Variants in RANBP17 observed in about 807,000 individuals in gnomAD.
RANBP17 encodes the protein ran-binding protein 17.
A neutral mutation model predicts 141.2 loss-of-function variants in RANBP17; 158 were observed. The ratio of observed to expected loss-of-function variants is 1.12; its 90% confidence interval spans 0.98 to 1.28. The LOEUF (loss-of-function observed/expected upper bound fraction) is 1.28. Among genes scored for constraint, RANBP17 ranks in the 50% most tolerant of loss-of-function variants. The pLI is 0.00. For synonymous variants in RANBP17, 430 were observed against 450.0 expected, an observed-to-expected ratio of 0.96 and a Z score of 0.56; for missense variants, 1,438 against 1,290.7, an observed-to-expected ratio of 1.11 and a Z score of -1.75.
chr5:171,230,527 G>A (rs950187285), intron 22 of RANBP17, among the ~76,000 whole-genome samples: 8 of 152,130 alleles, frequency 5.3e-5, no homozygotes, highest in South Asian at 2.1e-4. Context: ...TTGGAAGGCC[G>A]AGGCGTGTGG....
intron 12 of RANBP17, among the ~76,000 whole-genome samples, chr5:170,942,781 A>C (rs1774432063): frequency 1.3e-5 from 2 of 152,198 alleles, no homozygotes; most frequent in South Asian, 4.1e-4. Context: ...CAATTATTAC[A>C]TTAAAATGTA....
intron 18 of RANBP17, among the ~76,000 whole-genome samples, chr5:171,193,729 T>C (rs773779259): frequency 6.6e-6 from 1 of 152,180 alleles, no homozygotes; most frequent in Non-Finnish European, 1.5e-5. Flanking sequence ...ATCCTTCCCA[T>C]GCTGCCATCT....
In RANBP17 at chr5:170,996,289, T is replaced by C. The variant is rs571733946; in HGVS notation, c.1710+27912T>C. On this transcript the variant is annotated intron_variant, in intron 14 of 27. Coordinates refer to ENST00000523189, the MANE Select transcript of RANBP17 (RefSeq NM_022897.5). Reference sequence around the variant, plus strand: ...AAGGCAATGAATGAAAAGATAAGGATAATAGTAGACAATAATGTCAATGAA... The same window carrying C: ...AAGGCAATGAATGAAAAGATAAGGACAATAGTAGACAATAATGTCAATGAA... Among the ~76,000 whole-genome samples, 17 of 152,182 alleles carry C rather than the reference T, an allele frequency of 1.1e-4. No individual in the cohort carries two copies. The East Asian group carries it at 3.3e-3, about 29-fold the overall frequency.
chr5:170,982,193 A>G (rs998179995), intron 14 of RANBP17, among the ~76,000 whole-genome samples: 1 of 152,200 alleles, frequency 6.6e-6, no homozygotes, highest in African/African-American at 2.4e-5. Context: ...TGTGATGAAG[A>G]AGCTTATTCA....
chr5:171,068,569 T>TTTGTTGTTGTTGTTTTTGTTGTTG (rs1784441940), intron 14 of RANBP17, among the ~76,000 whole-genome samples: 1 of 148,926 alleles, frequency 6.7e-6, no homozygotes, highest in Non-Finnish European at 1.5e-5. Flanking sequence ...TTACTTTCCT[T>TTTGTTGTTGTTGTTTTTGTTGTTG]TTGTTGTTGT....
intron 14 of RANBP17, among the ~76,000 whole-genome samples, chr5:170,997,002 C>T (rs1313493154): frequency 6.6e-6 from 1 of 152,104 alleles, no homozygotes; most frequent in African/African-American, 2.4e-5. Context: ...TCATAATCGT[C>T]ATGTGTCAAA....
chr5:171,069,198 T>C (rs1038155851), intron 14 of RANBP17, among the ~76,000 whole-genome samples: 1 of 152,226 alleles, frequency 6.6e-6, no homozygotes, highest in African/African-American at 2.4e-5. Context: ...TGGCCAGTCA[T>C]TGAACCACTA....
Position 170,877,503 on chromosome 5 carries a change from C to T in RANBP17, c.19-594C>T, listed in dbSNP as rs528777055. Among the ~76,000 whole-genome samples the T allele has an allele frequency of 5.0e-4, 76 of 152,230 alleles. No homozygotes were observed. The South Asian group carries it at 0.012, about 24-fold the overall frequency. On this transcript the variant is annotated intron_variant, in intron 1 of 27. Coordinates refer to ENST00000523189, the MANE Select transcript of RANBP17 (RefSeq NM_022897.5). ...TCTTGAACTCCTGGGCTCAAGCGAT[C>T]CTTCCGCCTTGGCCTCTGACAGTGC... is the stretch of plus-strand genomic sequence containing the variant.
chr5:171,040,915 G>T (rs527605531), intron 14 of RANBP17, among the ~76,000 whole-genome samples: 1 of 152,124 alleles, frequency 6.6e-6, no homozygotes. Context: ...CAGGAATTTC[G>T]GAATGGCTTA....
chr5:171,279,956 C>G (rs1396380065), intron 25 of RANBP17, among the ~76,000 whole-genome samples: 5 of 152,116 alleles, frequency 3.3e-5, no homozygotes, highest in Admixed American at 3.3e-4. Flanking sequence ...TTCTTCTTAC[C>G]TTTTCATCCC....
chr5:171,107,398 C>T (rs184612335), intron 14 of RANBP17, among the ~76,000 whole-genome samples: 87 of 152,296 alleles, frequency 5.7e-4, no homozygotes, highest in African/African-American at 2.1e-3. Context: ...CTCAGACTGG[C>T]AGTGAGTATT....
In RANBP17 at chr5:171,119,248, A is replaced by G. The variant is rs77646208; in HGVS notation, c.1711-50882A>G. ...AAATCCCACTTGATTATGGTGTATT[A>G]TCTTTTTCATGTGCTATTTGATTCA... On this transcript the variant is annotated intron_variant, in intron 14 of 27. Coordinates refer to ENST00000523189, the MANE Select transcript of RANBP17 (RefSeq NM_022897.5). Among the ~76,000 whole-genome samples the G allele has an allele frequency of 3.0e-3, 462 of 152,282 alleles. 2 individuals carry two copies. Among genetic ancestry groups the G allele is most frequent in the Non-Finnish European group, 5.0e-3 (339 of 68,016 alleles).
rs569319438 is a variant in RANBP17, at chr5:170,949,997, A to C, written c.1469-3600A>C. Among the ~76,000 whole-genome samples, 81 of 152,328 alleles carry C rather than the reference A, an allele frequency of 5.3e-4. No individual in the cohort carries two copies. The South Asian group carries it at 0.012, about 23-fold the overall frequency. On this transcript the variant is annotated intron_variant, in intron 12 of 27. Transcript: ENST00000523189. ...GGTGTCAAGAACATACATTGGGGAA[A>C]GGATACCCTCTTTAATAAAATGGTG...
chr5:171,082,200 C>T (rs1055317991), intron 14 of RANBP17, among the ~76,000 whole-genome samples: 4 of 151,726 alleles, frequency 2.6e-5, no homozygotes, highest in Admixed American at 2.0e-4. Flanking sequence ...AATATCTTAC[C>T]TTTGTTTTTC....
At chr5:171,274,486 A>G (rs1450517628) in intron 25 of RANBP17, among the ~76,000 whole-genome samples, 2 of 152,190 alleles carry the variant, frequency 1.3e-5, no homozygotes, top group Non-Finnish European at 2.9e-5. Context: ...AATTTTTATT[A>G]TAGAAATATT....
chr5:171,137,602 G>GTGTGTGTC (rs1392740486), intron 14 of RANBP17, among the ~76,000 whole-genome samples: 9 of 143,476 alleles, frequency 6.3e-5, no homozygotes, highest in Admixed American at 1.4e-4. Context: ...GTGTGTGTGT[G>GTGTGTGTC]TGTCTGTGTG....
chr5:171,128,106 C>T (rs563889244), intron 14 of RANBP17, among the ~76,000 whole-genome samples: 7 of 151,552 alleles, frequency 4.6e-5, no homozygotes, highest in South Asian at 4.2e-4. Flanking sequence ...TGCAGTGAGC[C>T]GAGATCACAC....
intron 7 of RANBP17, 85 bp downstream of exon 7, chr5:170,911,219 T>C: frequency 8.1e-7 from 1 of 1,229,800 alleles, no homozygotes; most frequent in South Asian, 1.4e-5. Context: ...AGTTATCTTT[T>C]TGCCAGGAAT....
intron 5 of RANBP17, among the ~76,000 whole-genome samples, chr5:170,898,013 T>G (rs1157632886): frequency 6.6e-6 from 1 of 152,248 alleles, no homozygotes; most frequent in South Asian, 2.1e-4. Context: ...TAAACTAATT[T>G]ACACTCCCAT....
Sources: gnomAD v4.1 joint callset for allele counts (sites outside exome capture counted in the v4.1 genomes callset) on GRCh38, gnomAD v4.1.1 for gene constraint, MANE v1.5 for transcripts, NCBI Gene and HGNC (gene_info 2026-07-23, HGNC 2026-07-21) for gene names.